Variants in RANBP2 observed in about 807,000 individuals in gnomAD.
RANBP2 encodes the protein RAN binding protein 2, also known as E3 SUMO-protein ligase RanBP2.
Under a neutral mutation model 303.6 loss-of-function variants are expected in RANBP2, and 57 were observed. The ratio of observed to expected loss-of-function variants is 0.19; its 90% CI spans 0.15 to 0.23. The LOEUF (loss-of-function observed/expected upper bound fraction) is 0.23. Among genes scored for constraint, RANBP2 ranks in the 10% least tolerant of loss-of-function variants. The pLI is 1.00. For synonymous variants in RANBP2, 1,167 were observed against 1,301.5 expected (o/e 0.90, Z 2.23); for missense variants, 3,138 against 3,780.8 (o/e 0.83, Z 4.46).
At chr2:109,121,722 C>G in the RANBP2 span, among the ~76,000 whole-genome samples, 6 of 152,250 alleles carry the variant, frequency 3.9e-5, no homozygotes, top group East Asian at 1.2e-3. Context: ...TTACTCTTCT[C>G]CCTGTAGGCT....
the RANBP2 span, among the ~76,000 whole-genome samples, chr2:109,507,632 G>T: frequency 6.6e-6 from 1 of 152,246 alleles, no homozygotes; most frequent in East Asian, 1.9e-4. Context: ...TGAAAATCCT[G>T]GGCTCGGCCC....
At chr2:109,391,602 G>C in the RANBP2 span, among the ~76,000 whole-genome samples, 1 of 152,228 alleles carries the variant, frequency 6.6e-6, no homozygotes, top group Non-Finnish European at 1.5e-5. Flanking sequence ...CTTGTGGCCG[G>C]GCAGGGAGCA....
chr2:108,756,628 AC>A (rs1271461124), intron 17 of RANBP2, among the ~76,000 whole-genome samples: 1 of 152,198 alleles, frequency 6.6e-6, no homozygotes, highest in Non-Finnish European at 1.5e-5. Context: ...GACTTAACAT[AC>A]AGGTTTCAGG....
At chr2:109,106,844 A>T in the RANBP2 span, among the ~76,000 whole-genome samples, 3 of 152,114 alleles carry the variant, frequency 2.0e-5, no homozygotes, top group Non-Finnish European at 2.9e-5. Flanking sequence ...CTCAGAAGAA[A>T]AAAGAAAAGA....
chr2:109,593,469 G>A, the RANBP2 span, among the ~76,000 whole-genome samples: 1 of 140,452 alleles, frequency 7.1e-6, no homozygotes, highest in East Asian at 2.1e-4. Flanking sequence ...GCAATGGCAT[G>A]ATCTCGGCTC....
chr2:109,636,981 C>T, the RANBP2 span, among the ~76,000 whole-genome samples: 1 of 152,272 alleles, frequency 6.6e-6, no homozygotes. Context: ...TACCAAGGAC[C>T]TGCACCGGCA....
At chr2:109,624,969 T>C in the RANBP2 span, among the ~76,000 whole-genome samples, 1 of 150,950 alleles carries the variant, frequency 6.6e-6, no homozygotes. Flanking sequence ...TAATCCCAGC[T>C]ACTTGGGAAG....
At chr2:109,309,360 A>G in the RANBP2 span, among the ~76,000 whole-genome samples, 7 of 150,070 alleles carry the variant, frequency 4.7e-5, no homozygotes, top group Non-Finnish European at 2.9e-5. Context: ...AGCGCTAAAC[A>G]TGGAAAGGAA....
chr2:109,256,788 G>A, the RANBP2 span, among the ~76,000 whole-genome samples: 1 of 152,216 alleles, frequency 6.6e-6, no homozygotes, highest in Non-Finnish European at 1.5e-5. Flanking sequence ...AGTGAAGTGG[G>A]ATTTTTATTT....
the RANBP2 span, chr2:109,419,553 G>C: frequency 5.2e-5 from 83 of 1,596,688 alleles, no homozygotes; most frequent in Admixed American, 6.9e-5. Flanking sequence ...TCTCCTCCTC[G>C]GCGGGATCTA....
At chr2:109,401,803 C>A in the RANBP2 span, among the ~76,000 whole-genome samples, 1 of 152,184 alleles carries the variant, frequency 6.6e-6, no homozygotes, top group African/African-American at 2.4e-5. Context: ...GCAGAGGGAA[C>A]CTTTCTAAGC....
At chr2:109,182,560 G>A in the RANBP2 span, among the ~76,000 whole-genome samples, 1 of 152,184 alleles carries the variant, frequency 6.6e-6, no homozygotes, top group African/African-American at 2.4e-5. Flanking sequence ...GAAAGCACAT[G>A]GAACTTGCAC....
At chr2:109,098,280 C>T in the RANBP2 span, among the ~76,000 whole-genome samples, 2 of 152,192 alleles carry the variant, frequency 1.3e-5, no homozygotes, top group African/African-American at 2.4e-5. Context: ...CAGCAGTCCA[C>T]GCTGAAAATC....
the RANBP2 span, chr2:109,733,196 A>T: frequency 2.5e-6 from 1 of 398,246 alleles, no homozygotes; most frequent in East Asian, 6.1e-5. Context: ...AAAAAAAAAA[A>T]GCTGACTCCA....
At chr2:109,301,046 A>G in the RANBP2 span, among the ~76,000 whole-genome samples, 1 of 152,242 alleles carries the variant, frequency 6.6e-6, no homozygotes, top group African/African-American at 2.4e-5. Flanking sequence ...GGAGACTTCA[A>G]TACAGTTGTG....
the RANBP2 span, among the ~76,000 whole-genome samples, chr2:108,924,288 C>T: frequency 6.6e-6 from 1 of 152,250 alleles, no homozygotes; most frequent in Non-Finnish European, 1.5e-5. Flanking sequence ...GTGCTCCCTG[C>T]AGCCGTCCCG....
At chr2:108,896,810 G>T in the RANBP2 span, 1 of 1,243,500 alleles carries the variant, frequency 8.0e-7, no homozygotes, top group Non-Finnish European at 1.1e-6. Flanking sequence ...TATCACAAAA[G>T]CCTTGATTCT....
the RANBP2 span, among the ~76,000 whole-genome samples, chr2:109,199,612 TGGAA>T: frequency 6.0e-3 from 2 of 336 alleles, 1 homozygote; most frequent in African/African-American, 0.018. Flanking sequence ...TGGAATGGAA[TGGAA>T]TGGAATGGAA....
At chr2:109,085,757 C>G in the RANBP2 span, among the ~76,000 whole-genome samples, 2 of 152,048 alleles carry the variant, frequency 1.3e-5, no homozygotes, top group African/African-American at 4.8e-5. Context: ...CCTGCCACCA[C>G]GCCTGGCTAA....
Sources: allele counts gnomAD v4.1 joint callset (sites outside exome capture counted in the v4.1 genomes callset), GRCh38; gene constraint gnomAD v4.1.1; transcripts MANE v1.5; gene names NCBI Gene and HGNC (gene_info 2026-07-23, HGNC 2026-07-21).